Variants in UBXN6 observed in about 807,000 individuals in gnomAD.
The protein encoded by UBXN6 is UBX domain-containing protein 6.
Under a neutral mutation model 51.4 loss-of-function variants are expected in UBXN6, and 44 were observed. The observed-to-expected ratio is 0.86, with a 90% CI of 0.67 to 1.10. The LOEUF is 1.10. Ranked by LOEUF, UBXN6 falls within the 50% of genes least tolerant of loss-of-function variation. The pLI, the probability that UBXN6 is intolerant of heterozygous loss-of-function variation, is 0.00. For missense variants in UBXN6, 672 were observed against 596.1 expected (o/e 1.13, Z -1.32); for synonymous variants, 316 against 263.2 (o/e 1.20, Z -1.94).
Position 4,454,045 on chromosome 19 carries a change from G to C in UBXN6, c.132C>G (p.Pro44=). 2 of 1,587,148 alleles carry C rather than the reference G, an allele frequency of 1.3e-6. No homozygotes were observed. The highest frequency in any genetic ancestry group is 1.7e-6 in the Non-Finnish European group (2 of 1,169,464). The part of the protein sequence containing the change: ...EKPNQPAPRP[P]RQGPTNEAQM... Reference sequence around the variant, plus strand: ...GTGCCTCATTGGTGGGTCCCTGGCGGGGCGGCCTGGGGGCTGGCTGGTTGG... The same window carrying C: ...GTGCCTCATTGGTGGGTCCCTGGCGCGGCGGCCTGGGGGCTGGCTGGTTGG... Residue 44 remains proline, a synonymous_variant, in exon 2 of 11, where the codon CCC becomes CCG. Transcript: ENST00000301281.
At position 4,457,483 on chromosome 19, in the gene UBXN6, C is replaced by T. The variant is rs531175438; in HGVS notation, c.83+132G>A. ...TTCGTCCGCCCCCGGCGCCTCTCCC[C>T]CTCCCCTGACCCTCGCGTGCCGCTC... On this transcript the variant is annotated intron_variant, in intron 1 of 10. Transcript: ENST00000301281. 5.8e-5 allele frequency: 40 copies of T among 690,080 alleles called. No homozygotes were observed. The African/African-American group carries it at 7.8e-4, about 14-fold the overall frequency. 42.7% of individuals were successfully genotyped at this position (690,080 alleles called of 1,614,324 possible).
chr19:4,450,977 G>T (rs1974644030), intron 4 of UBXN6: 1 of 152,108 alleles, frequency 6.6e-6, no homozygotes, highest in South Asian at 2.1e-4. Context: ...TGAGAGGATG[G>T]GGACACGGGT....
rs376182636 is a variant in UBXN6, at chr19:4,447,601, G to T, written c.564C>A (p.His188Gln). 122 of 1,613,860 alleles carry T rather than the reference G, an allele frequency of 7.6e-5. No individual in the cohort carries two copies. The highest frequency in any genetic ancestry group is 1.0e-4 in the Admixed American group (6 of 60,004). The change falls in exon 6 of 11, where the codon CAC becomes CAA. Residue 188 changes from histidine (H) to glutamine (Q), a missense_variant. Physicochemically the swap from His to Gln is conservative, Grantham distance 24. Coordinates refer to ENST00000301281, the MANE Select transcript of UBXN6 (RefSeq NM_025241.3). ...TCTTCCGGTACTTCTCCTCCTCGGG[G>T]TGCAGGTGGATGTTGTCCAGGTACC... is the stretch of plus-strand genomic sequence containing the variant. ...IAKYLDNIHL[H>Q]PEEEKYRKIK... is the part of the protein sequence containing the mutation.
At position 4,446,113 on chromosome 19, in the gene UBXN6, A is replaced by G; in HGVS notation, c.1136T>C (p.Leu379Pro). Residue 379 changes from leucine (L) to proline (P), a missense_variant, in exon 10 of 11, where the codon CTG (leucine) becomes CCG (proline). Leu to Pro is a moderately conservative substitution (Grantham distance 98). Transcript: ENST00000301281. Reference protein sequence around the residue: ...ALQSDWLPFELLASGGQKLSE... With the variant: ...ALQSDWLPFEPLASGGQKLSE... ...CAGCTTCTGCCCTCCCGAGGCCAGC[A>G]GCTCAAAAGGCAGCCAGTCGCTCTG... 6.2e-7 allele frequency: 1 copy of G among 1,612,682 alleles called. No homozygotes were observed. The highest frequency in any genetic ancestry group is 8.5e-7 in the Non-Finnish European group (1 of 1,179,878).
Position 4,445,156 on chromosome 19 carries a change from A to C in UBXN6, c.*342T>G. On this transcript the variant is annotated 3_prime_UTR_variant, in exon 11 of 11. Coordinates refer to ENST00000301281, the MANE Select transcript of UBXN6 (RefSeq NM_025241.3). ...GCCACTGCCACCCACGGCACACGGG[A>C]ACAGGACCCATGCTGCAGGCCTGCT... The C allele has an allele frequency of 3.4e-6, 1 of 292,138 alleles. No homozygotes were observed. The highest frequency in any genetic ancestry group is 3.7e-5 in the South Asian group (1 of 27,230). The allele number at this position is 292,138 out of a possible 1,614,324, so 18.1% of individuals were successfully genotyped here. A position where few individuals can be genotyped will look rare whatever the true frequency, so the allele number is the denominator to read the frequency against.
Position 4,446,117 on chromosome 19 carries a change from CAAA to C in UBXN6, c.1129_1131del (p.Phe377del), listed in dbSNP as rs1422851630. On this transcript the variant is annotated inframe_deletion, in exon 10 of 11. Transcript: ENST00000301281. ...TTCTGCCCTCCCGAGGCCAGCAGCTCAAAAGGCAGCCAGTCGCTCTGCAGGGCC... is the reference window on the plus strand; with the variant it reads ...TTCTGCCCTCCCGAGGCCAGCAGCTCAGGCAGCCAGTCGCTCTGCAGGGCC... 3 of 1,612,588 alleles carry C rather than the reference CAAA, an allele frequency of 1.9e-6. No homozygotes were observed. The highest frequency in any genetic ancestry group is 1.7e-6 in the Non-Finnish European group (2 of 1,179,896).
At chr19:4,446,006 C>A (rs369043795) in intron 10 of UBXN6, 43 bp downstream of exon 10, 16 of 1,563,054 alleles carry the variant, frequency 1.0e-5, no homozygotes, top group Non-Finnish European at 1.2e-5. Context: ...GGAGAACCTG[C>A]AGAGGCATCG....
At position 4,457,773 on chromosome 19, in the gene UBXN6, A is replaced by T; in HGVS notation, c.-76T>A. 1 of 492,854 alleles carries T rather than the reference A, an allele frequency of 2.0e-6. No individual in the cohort carries two copies. Among genetic ancestry groups the T allele is most frequent in the Non-Finnish European group, 3.0e-6 (1 of 328,534 alleles). 30.5% of individuals were successfully genotyped at this position (492,854 alleles called of 1,614,324 possible). A position where few individuals can be genotyped will look rare whatever the true frequency, so the allele number is the denominator to read the frequency against. ...GCCCAGTCGGGGACGGGGCCGCCGG[A>T]GACCAGCCACCGGAAGAAAATTAAA... On this transcript the variant is annotated 5_prime_UTR_variant, in exon 1 of 11. Transcript: ENST00000301281.
At chr19:4,453,294 G>T (rs574466280) in intron 3 of UBXN6, among the ~76,000 whole-genome samples, 164 bp downstream of exon 3, 14 of 152,272 alleles carry the variant, frequency 9.2e-5, no homozygotes, top group African/African-American at 3.4e-4. Context: ...AGCCCCGAAG[G>T]TCCCAGACAA....
At chr19:4,455,090 C>T (rs1974721543) in intron 1 of UBXN6, 1 of 476,578 alleles carries the variant, frequency 2.1e-6, no homozygotes, top group Non-Finnish European at 2.7e-6. Context: ...GAGCCCTACA[C>T]CAAGGAGAGT....
intron 1 of UBXN6, 60 bp from the exon 2 acceptor site, chr19:4,454,153 T>G: frequency 6.1e-6 from 9 of 1,467,718 alleles, no homozygotes; most frequent in Non-Finnish European, 8.1e-6. Flanking sequence ...AAAGCTGACG[T>G]GCAGTCACAC....
Position 4,446,641 on chromosome 19 carries a change from A to T in UBXN6, c.779T>A (p.Leu260Gln). 6.2e-7 allele frequency: 1 copy of T among 1,612,576 alleles called. No individual in the cohort carries two copies. The highest frequency in any genetic ancestry group is 8.5e-7 in the Non-Finnish European group (1 of 1,179,648). The change falls in exon 8 of 11, where the codon CTG (leucine) becomes CAG (glutamine). Residue 260 changes from leucine (L) to glutamine (Q), a missense_variant. By Grantham distance (113) the Leu-to-Gln change is moderately radical. Coordinates refer to ENST00000301281, the MANE Select transcript of UBXN6 (RefSeq NM_025241.3). ...GGCGCGCACGGGCTCCGCAGCCAGC[A>T]GCTGTTCCTTGTGCCTCTCCAGGCT... ...PQSLERHKEQ[L>Q]LAAEPVRAKL...
In UBXN6 at chr19:4,453,991, C is replaced by T; in HGVS notation, c.186G>A (p.Arg62=). Residue 62 remains arginine (R), a synonymous_variant, in exon 2 of 11, where the codon CGG becomes CGA. Transcript: ENST00000301281. Reference sequence around the variant, plus strand: ...AGGCCCGGGACTGCTTCTGCTCCAGCCGGGCTAGGGCGGCAGCGGCTGCCA... The same window carrying T: ...AGGCCCGGGACTGCTTCTGCTCCAGTCGGGCTAGGGCGGCAGCGGCTGCCA... The part of the protein sequence containing the change: ...AQMAAAAALA[R]LEQKQSRAWG... 1 of 1,610,828 alleles carries T rather than the reference C, an allele frequency of 6.2e-7. No homozygotes were observed. Among genetic ancestry groups the T allele is most frequent in the Non-Finnish European group, 8.5e-7 (1 of 1,179,582 alleles).
intron 1 of UBXN6, 131 bp from the exon 2 acceptor site, chr19:4,454,224 AG>A (rs1399777115): frequency 9.4e-7 from 1 of 1,065,430 alleles, no homozygotes; most frequent in African/African-American, 1.6e-5. Context: ...TATGTGGGCC[AG>A]GACACCTGGT....
chr19:4,450,856 A>T (rs1259411372), intron 4 of UBXN6: 1 of 151,406 alleles, frequency 6.6e-6, no homozygotes, highest in Non-Finnish European at 1.5e-5. Flanking sequence ...GCATTCTCAT[A>T]TGAAACATGG....
chr19:4,445,468 C>T lies in UBXN6; in HGVS notation c.*30G>A, dbSNP rs1974486806. On this transcript the variant is annotated 3_prime_UTR_variant, in exon 11 of 11. Transcript: ENST00000301281. The stretch of plus-strand genomic sequence containing the variant: ...GAACAGGGAGAGCATGAGACAGACC[C>T]ACAGGGCTGAGGCCAACCCTGCTTT... 3 of 1,613,254 alleles carry T rather than the reference C, an allele frequency of 1.9e-6. No homozygotes were observed. The highest frequency in any genetic ancestry group is 2.5e-6 in the Non-Finnish European group (3 of 1,179,736).
chr19:4,447,464 C>T, intron 6 of UBXN6, 86 bp downstream of exon 6: 1 of 1,484,182 alleles, frequency 6.7e-7, no homozygotes, highest in Non-Finnish European at 9.4e-7. Flanking sequence ...AGGGAGCCCA[C>T]CGCCTGGTGT....
At chr19:4,448,456 C>T (rs575685119) in intron 4 of UBXN6, 41 bp from the exon 5 acceptor site, 40 of 1,518,410 alleles carry the variant, frequency 2.6e-5, no homozygotes, top group South Asian at 1.8e-4. Flanking sequence ...ACTGAGAGCC[C>T]GGGCCGCACG....
Position 4,457,647 on chromosome 19 carries a change from C to T in UBXN6, c.51G>A (p.Ala17=), listed in dbSNP as rs748171502. The part of the protein sequence containing the change: ...EFKADIKFKS[A]GPGQKLKESV... ...ACTCTTTGAGCTTCTGACCGGGTCCCGCGCTCTTGAACTTGATGTCGGCCT... is the reference window on the plus strand; with the variant it reads ...ACTCTTTGAGCTTCTGACCGGGTCCTGCGCTCTTGAACTTGATGTCGGCCT... The change falls in exon 1 of 11, where the codon GCG becomes GCA. Residue 17 remains alanine, a synonymous_variant. Transcript: ENST00000301281. 3.1e-6 allele frequency: 5 copies of T among 1,602,776 alleles called. No homozygotes were observed. The highest frequency in any genetic ancestry group is 3.4e-5 in the Admixed American group (2 of 59,366).
Sources: allele counts gnomAD v4.1 joint callset (sites outside exome capture counted in the v4.1 genomes callset), GRCh38; gene constraint gnomAD v4.1.1; transcripts MANE v1.5; gene names NCBI Gene and HGNC (gene_info 2026-07-23, HGNC 2026-07-21).